NEMP2: variants seen among roughly 807,000 people sequenced by gnomAD.
NEMP2 encodes nuclear envelope integral membrane protein 2.
Under a neutral mutation model 54.2 loss-of-function variants are expected in NEMP2, and 53 were observed. The ratio of observed to expected loss-of-function variants is 0.98; its 90% CI spans 0.78 to 1.23. The LOEUF (loss-of-function observed/expected upper bound fraction) is 1.23. NEMP2 is among the 50% of genes most tolerant of loss of function. The probability of loss-of-function intolerance (pLI) is 0.00; values close to 1 mark genes in which losing one functional copy is unlikely to be tolerated. For missense variants in NEMP2, 455 were observed against 511.3 expected, an observed-to-expected ratio of 0.89 and a Z score of 1.06; for synonymous variants, 197 against 190.3, an observed-to-expected ratio of 1.04 and a Z score of -0.29.
intron 4 of NEMP2, among the ~76,000 whole-genome samples, 152 bp downstream of exon 4, chr2:190,518,584 G>T (rs560109909): frequency 3.8e-4 from 58 of 152,154 alleles, no homozygotes; most frequent in Middle Eastern, 6.4e-3. Flanking sequence ...GTTTTCAAAG[G>T]CCTTTCCAAT....
At chr2:190,444,564 G>A in the NEMP2 span, among the ~76,000 whole-genome samples, 5 of 152,130 alleles carry the variant, frequency 3.3e-5, no homozygotes, top group African/African-American at 1.2e-4. Flanking sequence ...GAGATTTTAT[G>A]GTTCCATCGA....
At chr2:190,572,538 A>G in the NEMP2 span, among the ~76,000 whole-genome samples, 2 of 152,132 alleles carry the variant, frequency 1.3e-5, no homozygotes, top group African/African-American at 4.8e-5. Flanking sequence ...TAGGAACTCT[A>G]TTACTAAGAG....
At chr2:190,445,265 G>C in the NEMP2 span, among the ~76,000 whole-genome samples, 1 of 152,140 alleles carries the variant, frequency 6.6e-6, no homozygotes, top group Non-Finnish European at 1.5e-5. Context: ...GATGCAAGAA[G>C]CAGTCGGAGA....
chr2:190,595,629 G>A, the NEMP2 span, among the ~76,000 whole-genome samples: 3 of 152,070 alleles, frequency 2.0e-5, no homozygotes, highest in Admixed American at 6.6e-5. The surrounding 1 kb of genome is among the most constrained non-coding windows in gnomAD (Gnocchi z 4.0). Context: ...ACATTTATGT[G>A]GCCAACAAAC....
chr2:190,442,063 G>A, the NEMP2 span, among the ~76,000 whole-genome samples: 1 of 152,166 alleles, frequency 6.6e-6, no homozygotes, highest in African/African-American at 2.4e-5. Flanking sequence ...CAAAAAGATG[G>A]TAGACCTTAA....
chr2:190,534,234 A>T (rs1262941806), intron 1 of NEMP2: 1 of 1,093,990 alleles, frequency 9.1e-7, no homozygotes, highest in African/African-American at 1.6e-5. Context: ...TGTGCCAGTG[A>T]CAAGCTGTGT....
chr2:190,567,363 A>G, the NEMP2 span, among the ~76,000 whole-genome samples: 2 of 152,016 alleles, frequency 1.3e-5, no homozygotes, highest in African/African-American at 4.8e-5. The surrounding 1 kb of genome is among the most constrained non-coding windows in gnomAD (Gnocchi z 4.0). Context: ...GAAATGGAGG[A>G]AAAAGTATAC....
In NEMP2 at chr2:190,529,064, C is replaced by G. The variant is rs1011234986; in HGVS notation, c.98-3686G>C. On this transcript the variant is annotated intron_variant, in intron 1 of 8. Transcript: ENST00000409150. The surrounding 1 kb of genome is among the most constrained non-coding windows in gnomAD (Gnocchi z 4.7). The stretch of plus-strand genomic sequence containing the variant: ...TCTTTTTAAAAACATGAATTGGGCC[C>G]GGGTACAATGGCTCATGCCTGTAAT... Among the ~76,000 whole-genome samples, 1 of 152,090 alleles carries G rather than the reference C, an allele frequency of 6.6e-6. No homozygotes were observed. Among genetic ancestry groups the G allele is most frequent in the African/African-American group, 2.4e-5 (1 of 41,402 alleles).
chr2:190,601,203 A>T, the NEMP2 span, among the ~76,000 whole-genome samples: 1 of 152,122 alleles, frequency 6.6e-6, no homozygotes, highest in Non-Finnish European at 1.5e-5. The surrounding 1 kb of genome is among the most constrained non-coding windows in gnomAD (Gnocchi z 5.8). Flanking sequence ...ATATACAGAG[A>T]GAACACTGTG....
chr2:190,464,113 T>C, the NEMP2 span, among the ~76,000 whole-genome samples: 1 of 152,220 alleles, frequency 6.6e-6, no homozygotes, highest in African/African-American at 2.4e-5. Flanking sequence ...TCTCCCACCC[T>C]GGCCTCGAGC....
In NEMP2 at chr2:190,533,053, G is replaced by C. The variant is rs60845596; in HGVS notation, c.97+1506C>G. Among the ~76,000 whole-genome samples the C allele has an allele frequency of 3.5e-4, 53 of 152,238 alleles. No individual in the cohort carries two copies. Among genetic ancestry groups the C allele is most frequent in the African/African-American group, 1.3e-3 (52 of 41,520 alleles). On this transcript the variant is annotated intron_variant, in intron 1 of 8. Transcript: ENST00000409150. The surrounding 1 kb of genome is among the most constrained non-coding windows in gnomAD (Gnocchi z 4.3). ...AGGCTGTTACTATTATACTAAATGC[G>C]GTAACATAAAAACTTTAAAAACACC...
chr2:190,455,865 T>C, the NEMP2 span, among the ~76,000 whole-genome samples: 1 of 150,356 alleles, frequency 6.7e-6, no homozygotes, highest in Non-Finnish European at 1.5e-5. Flanking sequence ...GAGCAAAATT[T>C]CTAGCCATAA....
the NEMP2 span, among the ~76,000 whole-genome samples, chr2:190,606,576 G>C: frequency 2.0e-5 from 3 of 152,302 alleles, no homozygotes; most frequent in African/African-American, 7.2e-5. Flanking sequence ...GCCGGGTGTG[G>C]TGGGGCAGGA....
chr2:190,567,915 G>A, the NEMP2 span, among the ~76,000 whole-genome samples: 24 of 152,130 alleles, frequency 1.6e-4, no homozygotes, highest in African/African-American at 5.8e-4. This position sits in a 1 kb window ranked among gnomAD's most constrained non-coding sequence, Gnocchi z 4.0. Context: ...CCAAAGTGCT[G>A]GGATTACAGG....
chr2:190,432,827 C>G, the NEMP2 span, among the ~76,000 whole-genome samples: 5 of 151,476 alleles, frequency 3.3e-5, no homozygotes, highest in African/African-American at 1.2e-4. Flanking sequence ...CCCCCGCCCC[C>G]CAACACACAC....
the NEMP2 span, among the ~76,000 whole-genome samples, chr2:190,549,167 G>A: frequency 1.3e-5 from 2 of 152,172 alleles, no homozygotes; most frequent in African/African-American, 4.8e-5. Flanking sequence ...TCTGTTCTCT[G>A]TTCCTGAAAA....
chr2:190,486,760 G>A, the NEMP2 span, among the ~76,000 whole-genome samples: 1 of 152,174 alleles, frequency 6.6e-6, no homozygotes, highest in Non-Finnish European at 1.5e-5. Flanking sequence ...CGAGTTAAGA[G>A]TCTCTGATGA....
the NEMP2 span, among the ~76,000 whole-genome samples, chr2:190,617,878 A>G: frequency 4.6e-5 from 7 of 152,302 alleles, no homozygotes; most frequent in African/African-American, 1.4e-4. This position sits in a 1 kb window ranked among gnomAD's most constrained non-coding sequence, Gnocchi z 5.0. Flanking sequence ...CATTTTTATG[A>G]TTCAATCTTG....
At chr2:190,485,253 A>G in the NEMP2 span, among the ~76,000 whole-genome samples, 1 of 152,208 alleles carries the variant, frequency 6.6e-6, no homozygotes, top group African/African-American at 2.4e-5. The surrounding 1 kb of genome is among the most constrained non-coding windows in gnomAD (Gnocchi z 5.1). Context: ...ACTTAAAAGA[A>G]TAACTGCTAG....
Sources: gnomAD v4.1 joint callset for allele counts (sites outside exome capture counted in the v4.1 genomes callset) on GRCh38, gnomAD v4.1.1 for gene constraint, Gnocchi (gnomAD v3.1) non-coding constraint, MANE v1.5 for transcripts, NCBI Gene and HGNC (gene_info 2026-07-23, HGNC 2026-07-21) for gene names.